Variants in SLC4A4 observed in about 807,000 individuals in gnomAD.
The protein encoded by SLC4A4 is solute carrier family 4 member 4.
A neutral mutation model predicts 111.5 loss-of-function variants in SLC4A4; 27 were observed. That is an observed-to-expected ratio of 0.24 (90% CI 0.18 to 0.33). The LOEUF is 0.33. SLC4A4 is among the 10% of genes least tolerant of loss of function. The pLI is 1.00. For missense variants in SLC4A4, 909 were observed against 1,315.5 expected (o/e 0.69, Z 4.78); for synonymous variants, 443 against 463.4 (o/e 0.96, Z 0.57).
chr4:71,415,878 T>C (rs916662817), intron 7 of SLC4A4, among the ~76,000 whole-genome samples: 2 of 152,252 alleles, frequency 1.3e-5, no homozygotes, highest in Admixed American at 1.3e-4. Flanking sequence ...AGGGACCTAT[T>C]ATCTGCTCAG....
chr4:71,160,846 C>A (rs1744601843), intron 2 of SLC4A4, among the ~76,000 whole-genome samples: 1 of 152,150 alleles, frequency 6.6e-6, no homozygotes, highest in African/African-American at 2.4e-5. Flanking sequence ...TTTTTCTTTA[C>A]TGGCACACAT....
At chr4:71,415,648 T>A (rs1369449460) in intron 7 of SLC4A4, among the ~76,000 whole-genome samples, 1 of 152,246 alleles carries the variant, frequency 6.6e-6, no homozygotes, top group Non-Finnish European at 1.5e-5. Flanking sequence ...AAATATTTGC[T>A]TTTAATGTTG....
At chr4:71,311,890 T>TGTGAGAGAGA (rs1553888177) in intron 3 of SLC4A4, among the ~76,000 whole-genome samples, 42 of 76,614 alleles carry the variant, frequency 5.5e-4, no homozygotes, top group South Asian at 1.6e-3. Flanking sequence ...TGCAAGGCTG[T>TGTGAGAGAGA]GAGAGAGAGA....
intron 1 of SLC4A4, among the ~76,000 whole-genome samples, chr4:71,222,473 T>C (rs1718803883): frequency 6.6e-6 from 1 of 152,246 alleles, no homozygotes; most frequent in African/African-American, 2.4e-5. Flanking sequence ...TTTAACACAT[T>C]ATGCAACGAT....
chr4:71,145,064 G>T (rs1744125096), intron 2 of SLC4A4, among the ~76,000 whole-genome samples: 2 of 152,144 alleles, frequency 1.3e-5, no homozygotes, highest in Admixed American at 1.3e-4. Flanking sequence ...TGTCCATTCA[G>T]TATGATATTG....
intron 2 of SLC4A4, among the ~76,000 whole-genome samples, chr4:71,246,851 C>T (rs1483399139): frequency 6.6e-6 from 1 of 152,092 alleles, no homozygotes; most frequent in Non-Finnish European, 1.5e-5. Context: ...ACTAGGAGTC[C>T]TAGTCTCTAT....
chr4:71,494,446 T>C (rs1221968522), intron 15 of SLC4A4, among the ~76,000 whole-genome samples: 1 of 151,626 alleles, frequency 6.6e-6, no homozygotes, highest in African/African-American at 2.4e-5. Context: ...CCAGAGTAGC[T>C]AGGACCACAG....
At chr4:71,311,536 T>G (rs182806566) in intron 3 of SLC4A4, among the ~76,000 whole-genome samples, 3 of 152,138 alleles carry the variant, frequency 2.0e-5, no homozygotes, top group Non-Finnish European at 4.4e-5. Flanking sequence ...ATGAAGAAAC[T>G]CACTCAAAAC....
intron 3 of SLC4A4, 59 bp from the exon 4 acceptor site, chr4:71,339,311 C>T (rs1728694874): frequency 6.2e-7 from 1 of 1,614,054 alleles, no homozygotes; most frequent in Non-Finnish European, 8.5e-7. Flanking sequence ...GAGCCCGGAG[C>T]TCCACTTTCC....
intron 6 of SLC4A4, among the ~76,000 whole-genome samples, chr4:71,362,767 G>T (rs780721928): frequency 1.3e-5 from 2 of 152,106 alleles, no homozygotes; most frequent in African/African-American, 4.8e-5. Context: ...GGAAATCCAC[G>T]ACTTGGTAAA....
At chr4:71,382,082 A>G (rs142396540) in intron 6 of SLC4A4, among the ~76,000 whole-genome samples, 90 of 152,270 alleles carry the variant, frequency 5.9e-4, no homozygotes, top group African/African-American at 2.0e-3. Context: ...TTTAGAGGAA[A>G]GTAGACTTTG....
intron 12 of SLC4A4, among the ~76,000 whole-genome samples, chr4:71,457,893 A>G (rs1033184416): frequency 1.3e-5 from 2 of 152,160 alleles, no homozygotes; most frequent in African/African-American, 4.8e-5. Flanking sequence ...GCACATCCAT[A>G]TACTTTAAAT....
chr4:71,066,309 A>G (rs1243594525), intron 1 of SLC4A4, among the ~76,000 whole-genome samples: 1 of 152,158 alleles, frequency 6.6e-6, no homozygotes, highest in Non-Finnish European at 1.5e-5. Flanking sequence ...ATACGCTACT[A>G]CAGGGCACAA....
chr4:71,567,973 T>G lies in SLC4A4; in HGVS notation c.*222T>G. 1.1e-6 allele frequency: 1 copy of G among 882,158 alleles called. No homozygotes were observed. Among genetic ancestry groups the G allele is most frequent in the Non-Finnish European group, 1.8e-6 (1 of 560,062 alleles). 54.6% of individuals were successfully genotyped at this position (882,158 alleles called of 1,614,324 possible). A position where few individuals can be genotyped will look rare whatever the true frequency, so the allele number is the denominator to read the frequency against. On this transcript the variant is annotated 3_prime_UTR_variant, in exon 26 of 26. Coordinates refer to ENST00000264485, the MANE Select transcript of SLC4A4 (RefSeq NM_001098484.3). The stretch of plus-strand genomic sequence containing the variant: ...TGGCTGTTTGTTTATTTTTTAACTT[T>G]TATTTCGTCTCAGTTTTTGGTCACA...
chr4:71,505,184 T>A (rs1731298568), intron 16 of SLC4A4, among the ~76,000 whole-genome samples: 1 of 152,198 alleles, frequency 6.6e-6, no homozygotes, highest in Admixed American at 6.6e-5. Flanking sequence ...AGTGCTGCAG[T>A]GAATATATGT....
chr4:71,495,961 T>A (rs1730366804), intron 15 of SLC4A4, among the ~76,000 whole-genome samples: 1 of 152,008 alleles, frequency 6.6e-6, no homozygotes, highest in African/African-American at 2.4e-5. Context: ...AAGAGCCAGA[T>A]TGTCACAGTA....
chr4:71,146,427 G>A (rs1744172411), intron 2 of SLC4A4, among the ~76,000 whole-genome samples: 2 of 152,304 alleles, frequency 1.3e-5, no homozygotes, highest in East Asian at 1.9e-4. Context: ...ATATTCTGTT[G>A]ATTTGGGGTG....
chr4:71,064,832 C>T (rs184969572), intron 1 of SLC4A4, among the ~76,000 whole-genome samples: 1 of 152,178 alleles, frequency 6.6e-6, no homozygotes, highest in African/African-American at 2.4e-5. Flanking sequence ...TGCTAGCTAT[C>T]TAATCGTAGA....
intron 6 of SLC4A4, among the ~76,000 whole-genome samples, chr4:71,368,828 G>A (rs1031221437): frequency 6.6e-6 from 1 of 152,158 alleles, no homozygotes; most frequent in African/African-American, 2.4e-5. Flanking sequence ...AATTTTTTTA[G>A]ACTTTTTCAT....
Sources: gnomAD v4.1 joint callset for allele counts (sites outside exome capture counted in the v4.1 genomes callset) on GRCh38, gnomAD v4.1.1 for gene constraint, MANE v1.5 for transcripts, NCBI Gene and HGNC (gene_info 2026-07-23, HGNC 2026-07-21) for gene names.